Variants in AKAP19 observed in about 807,000 individuals in gnomAD.
AKAP19 encodes the protein A-kinase anchoring protein 19, also known as small A-kinase anchoring protein.
At chr2:189,903,078 A>G in the AKAP19 span, among the ~76,000 whole-genome samples, 223 of 152,068 alleles carry the variant, frequency 1.5e-3, 1 homozygote, top group Non-Finnish European at 2.7e-3. Context: ...AAAAATTTGA[A>G]TTGAAAGCCA....
the AKAP19 span, among the ~76,000 whole-genome samples, chr2:190,097,877 AAAAAG>A: frequency 6.6e-3 from 978 of 147,470 alleles, 18 homozygotes; most frequent in African/African-American, 0.022. Context: ...AAAAAAAAAA[AAAAAG>A]AAAAGAAAAG....
the AKAP19 span, among the ~76,000 whole-genome samples, chr2:190,042,669 A>G: frequency 3.3e-5 from 5 of 152,038 alleles, no homozygotes; most frequent in Admixed American, 3.3e-4. Flanking sequence ...AATTTGAACA[A>G]TGCATAGAAT....
chr2:190,141,919 C>A, the AKAP19 span, among the ~76,000 whole-genome samples: 7 of 152,166 alleles, frequency 4.6e-5, no homozygotes, highest in African/African-American at 1.4e-4. Context: ...AAAGGCTTAG[C>A]GGGAGGATTC....
the AKAP19 span, among the ~76,000 whole-genome samples, chr2:190,187,279 T>G: frequency 6.6e-6 from 1 of 152,202 alleles, no homozygotes; most frequent in Non-Finnish European, 1.5e-5. Flanking sequence ...TAGAAACCTG[T>G]GTAAAGGCTT....
chr2:190,031,480 A>C, the AKAP19 span, among the ~76,000 whole-genome samples: 26 of 152,234 alleles, frequency 1.7e-4, no homozygotes, highest in African/African-American at 5.8e-4. Flanking sequence ...AATATCAGAG[A>C]GCTCTTAAAA....
At chr2:190,064,410 CT>C in the AKAP19 span, among the ~76,000 whole-genome samples, 5 of 132,538 alleles carry the variant, frequency 3.8e-5, no homozygotes, top group Admixed American at 7.2e-5. Context: ...GTAAGTCAAA[CT>C]TTTTTTTTAA....
chr2:190,022,481 T>C, the AKAP19 span, among the ~76,000 whole-genome samples: 3 of 152,186 alleles, frequency 2.0e-5, no homozygotes, highest in African/African-American at 7.2e-5. Context: ...TCTCTAAATA[T>C]ATGGAAGTAA....
chr2:189,882,183 C>T, the AKAP19 span, among the ~76,000 whole-genome samples: 83 of 152,274 alleles, frequency 5.5e-4, no homozygotes, highest in African/African-American at 1.7e-3. Context: ...CTCAGATTTT[C>T]GGAGTTCACA....
chr2:189,915,935 A>G, the AKAP19 span, among the ~76,000 whole-genome samples: 3 of 152,164 alleles, frequency 2.0e-5, no homozygotes, highest in African/African-American at 7.2e-5. Context: ...TTATCATTTT[A>G]TTTAAATTTT....
At chr2:190,087,643 T>C in the AKAP19 span, among the ~76,000 whole-genome samples, 2 of 152,228 alleles carry the variant, frequency 1.3e-5, no homozygotes, top group African/African-American at 2.4e-5. Flanking sequence ...AAAGTGCCAC[T>C]TGCCTGTGAA....
chr2:189,938,653 C>A, the AKAP19 span, among the ~76,000 whole-genome samples: 9 of 152,110 alleles, frequency 5.9e-5, no homozygotes, highest in Admixed American at 1.3e-4. Context: ...TATTTGCTAG[C>A]AAAATGGTGA....
the AKAP19 span, among the ~76,000 whole-genome samples, chr2:190,028,583 T>C: frequency 6.6e-6 from 1 of 152,162 alleles, no homozygotes; most frequent in East Asian, 1.9e-4. Flanking sequence ...ACCTGTTTTT[T>C]CCTCGGTCAT....
At chr2:189,895,959 A>G in the AKAP19 span, among the ~76,000 whole-genome samples, 2 of 151,692 alleles carry the variant, frequency 1.3e-5, no homozygotes, top group South Asian at 2.1e-4. Context: ...CAGTGAGCCA[A>G]GATCGTGCCA....
At chr2:189,938,133 C>T in the AKAP19 span, among the ~76,000 whole-genome samples, 2 of 151,834 alleles carry the variant, frequency 1.3e-5, no homozygotes, top group African/African-American at 4.8e-5. Flanking sequence ...CTAAGGAGTT[C>T]GAGACCAGCC....
chr2:189,893,972 G>T, the AKAP19 span, among the ~76,000 whole-genome samples: 1 of 152,114 alleles, frequency 6.6e-6, no homozygotes, highest in Non-Finnish European at 1.5e-5. Flanking sequence ...GGCATTACGG[G>T]TGACTCAATT....
the AKAP19 span, among the ~76,000 whole-genome samples, chr2:189,937,125 AC>A: frequency 6.6e-6 from 1 of 152,136 alleles, no homozygotes; most frequent in South Asian, 2.1e-4. Flanking sequence ...GCAGAGCAAG[AC>A]CCCCTGTCTC....
the AKAP19 span, among the ~76,000 whole-genome samples, chr2:190,173,355 G>T: frequency 6.6e-6 from 1 of 152,140 alleles, no homozygotes; most frequent in Non-Finnish European, 1.5e-5. Context: ...ACATTTGGCA[G>T]TTGGTTTGCT....
At chr2:190,094,131 T>C in the AKAP19 span, among the ~76,000 whole-genome samples, 1 of 152,198 alleles carries the variant, frequency 6.6e-6, no homozygotes, top group Non-Finnish European at 1.5e-5. Flanking sequence ...TGGGAAAAGA[T>C]TGGTAAATAG....
At chr2:190,145,990 T>C in the AKAP19 span, among the ~76,000 whole-genome samples, 1 of 142,518 alleles carries the variant, frequency 7.0e-6, no homozygotes, top group Non-Finnish European at 1.5e-5. Flanking sequence ...TTTTTTTTTT[T>C]ACATTTTTAT....
Sources: allele counts gnomAD v4.1 joint callset (sites outside exome capture counted in the v4.1 genomes callset), GRCh38; gene constraint gnomAD v4.1.1; transcripts MANE v1.5; gene names NCBI Gene and HGNC (gene_info 2026-07-23, HGNC 2026-07-21).